BBS9: variants seen among roughly 807,000 people sequenced by gnomAD.
BBS9 encodes the protein Bardet-Biedl syndrome 9, also known as protein PTHB1.
A neutral mutation model predicts 117.7 loss-of-function variants in BBS9; 89 were observed. That is an observed-to-expected ratio of 0.76 (90% CI 0.64 to 0.90). The LOEUF (loss-of-function observed/expected upper bound fraction) is 0.90. Among genes scored for constraint, BBS9 ranks in the 40% least tolerant of loss-of-function variants. BBS9 has a pLI of 0.00. For missense variants in BBS9, 982 were observed against 1,042.2 expected (o/e 0.94, Z 0.80); for synonymous variants, 379 against 370.9 (o/e 1.02, Z -0.25).
At position 33,145,572 on chromosome 7, in the gene BBS9, G is replaced by C. The variant is rs1348090963; in HGVS notation, c.-11-670G>C. On this transcript the variant is annotated intron_variant, in intron 1 of 22. Transcript: ENST00000242067. Reference sequence around the variant, plus strand: ...TAGCAAGAGGAAGTGAATGCTTTTTGAGTACCTATAGCATACCAGTTCCAG... The same window carrying C: ...TAGCAAGAGGAAGTGAATGCTTTTTCAGTACCTATAGCATACCAGTTCCAG... Among the ~76,000 whole-genome samples, 2 of 152,116 alleles carry C rather than the reference G, an allele frequency of 1.3e-5. 1 individual carries two copies. Among genetic ancestry groups the C allele is most frequent in the Non-Finnish European group, 2.9e-5 (2 of 68,012 alleles).
intron 21 of BBS9, among the ~76,000 whole-genome samples, chr7:33,565,822 T>TAC (rs1856817184): frequency 2.0e-5 from 1 of 48,988 alleles, no homozygotes; most frequent in Non-Finnish European, 3.2e-5. Context: ...TATATATATA[T>TAC]ATATACCGCT....
At chr7:33,331,185 T>A (rs1020342192) in intron 9 of BBS9, among the ~76,000 whole-genome samples, 5 of 152,108 alleles carry the variant, frequency 3.3e-5, no homozygotes, top group African/African-American at 1.2e-4. Flanking sequence ...ATTATTTCAA[T>A]AGACACAGAA....
intron 1 of BBS9, among the ~76,000 whole-genome samples, chr7:33,145,864 A>C (rs1035950689): frequency 1.3e-5 from 2 of 152,318 alleles, no homozygotes; most frequent in Admixed American, 1.3e-4. Context: ...CAGTCTCGCC[A>C]ATGACTAGAC....
chr7:33,492,811 A>AGTGTGTGTGTGTGTGTGTGTGT (rs57870306), intron 19 of BBS9, among the ~76,000 whole-genome samples: 2 of 131,580 alleles, frequency 1.5e-5, no homozygotes, highest in African/African-American at 3.0e-5. Flanking sequence ...TATAGGAGTG[A>AGTGTGTGTGTGTGTGTGTGTGT]GTGTGTGTGT....
intron 21 of BBS9, among the ~76,000 whole-genome samples, chr7:33,614,776 A>G (rs1013577611): frequency 9.2e-5 from 14 of 152,088 alleles, no homozygotes; most frequent in African/African-American, 3.1e-4. Context: ...GAGCTTGACC[A>G]TGTTCTGAAG....
intron 19 of BBS9, among the ~76,000 whole-genome samples, chr7:33,492,413 G>T (rs927888561): frequency 6.6e-6 from 1 of 152,004 alleles, no homozygotes; most frequent in East Asian, 1.9e-4. Flanking sequence ...TAAAGACGTC[G>T]AGGACCTCCT....
At chr7:33,406,797 G>A (rs1420673481) in intron 19 of BBS9, among the ~76,000 whole-genome samples, 2 of 152,202 alleles carry the variant, frequency 1.3e-5, no homozygotes, top group Admixed American at 6.5e-5. Flanking sequence ...TTTCCGCCAA[G>A]AGATCCGCTG....
chr7:33,544,383 G>T (rs1002570634), intron 21 of BBS9, among the ~76,000 whole-genome samples: 1 of 152,168 alleles, frequency 6.6e-6, no homozygotes, highest in South Asian at 2.1e-4. Flanking sequence ...CCCATGGGGT[G>T]TTCCCTTGAT....
At chr7:33,155,518 A>T in intron 3 of BBS9, 120 bp from the exon 4 acceptor site, 1 of 661,240 alleles carries the variant, frequency 1.5e-6, no homozygotes, top group Non-Finnish European at 2.7e-6. Context: ...TTATCTAATG[A>T]ATTGTTTTGT....
intron 5 of BBS9, among the ~76,000 whole-genome samples, chr7:33,181,166 A>G (rs1798049594): frequency 6.6e-6 from 1 of 152,144 alleles, no homozygotes; most frequent in Admixed American, 6.5e-5. Flanking sequence ...GCCAAGAGGG[A>G]CTTAGATCTC....
At chr7:33,339,990 G>T (rs138154873) in intron 10 of BBS9, among the ~76,000 whole-genome samples, 9,350 of 150,652 alleles carry the variant, frequency 0.062, 310 homozygotes, top group East Asian at 0.14. Context: ...TTATATATAT[G>T]AATATATATA....
chr7:33,304,844 G>A (rs544493746), intron 9 of BBS9, among the ~76,000 whole-genome samples: 4 of 152,120 alleles, frequency 2.6e-5, no homozygotes, highest in South Asian at 2.1e-4. Flanking sequence ...CCCCAACCCC[G>A]TGCTCTCTGA....
At position 33,524,357 on chromosome 7, in the gene BBS9, C is replaced by T. The variant is rs1176529416; in HGVS notation, c.2299-9597C>T. Among the ~76,000 whole-genome samples, 4 of 152,058 alleles carry T rather than the reference C, an allele frequency of 2.6e-5. No homozygotes were observed. In the East Asian group the frequency reaches 5.8e-4, roughly 22 times the overall value. On this transcript the variant is annotated intron_variant, in intron 20 of 22. Transcript: ENST00000242067. ...TCCTCCTTGTACCTCTGATAGTATT[C>T]GGCTGTGAATCCATCTGGTCCTGGA...
chr7:33,325,124 T>A (rs994629619), intron 9 of BBS9, among the ~76,000 whole-genome samples: 3 of 152,228 alleles, frequency 2.0e-5, no homozygotes, highest in Non-Finnish European at 4.4e-5. Flanking sequence ...TTTACCTTTT[T>A]GAGGCTATTT....
At chr7:33,186,461 T>A (rs1212315980) in intron 5 of BBS9, among the ~76,000 whole-genome samples, 1 of 152,156 alleles carries the variant, frequency 6.6e-6, no homozygotes, top group Admixed American at 6.5e-5. Context: ...ATTTACCTCC[T>A]CCCCCATTCA....
At chr7:33,327,305 G>A (rs983446249) in intron 9 of BBS9, among the ~76,000 whole-genome samples, 4 of 152,142 alleles carry the variant, frequency 2.6e-5, no homozygotes, top group Non-Finnish European at 4.4e-5. Flanking sequence ...GGATTATAAG[G>A]TAACATGAAT....
intron 2 of BBS9, 87 bp downstream of exon 2, chr7:33,146,451 A>C: frequency 1.4e-5 from 16 of 1,131,976 alleles, no homozygotes; most frequent in Non-Finnish European, 1.9e-5. Context: ...CTGTAATCTC[A>C]GTTCTTTTGG....
chr7:33,349,379 G>T (rs898441750), intron 13 of BBS9: 2 of 582,310 alleles, frequency 3.4e-6, no homozygotes, highest in Admixed American at 2.2e-5. Context: ...AATCTTTTAC[G>T]ATTACAGATT....
intron 19 of BBS9, among the ~76,000 whole-genome samples, chr7:33,401,836 T>C (rs968575772): frequency 2.6e-5 from 4 of 152,134 alleles, no homozygotes; most frequent in Admixed American, 6.5e-5. Flanking sequence ...TAGATTTTTT[T>C]CCCCCACAAG....
Sources: gnomAD v4.1 joint callset for allele counts (sites outside exome capture counted in the v4.1 genomes callset) on GRCh38, gnomAD v4.1.1 for gene constraint, MANE v1.5 for transcripts, NCBI Gene and HGNC (gene_info 2026-07-23, HGNC 2026-07-21) for gene names.